The following CLTB variants were observed in gnomAD, a reference collection of about 807,000 sequenced individuals.
CLTB encodes the protein clathrin light chain B, also known as clathrin, light chain (Lcb).
Under a neutral mutation model 30.5 loss-of-function variants are expected in CLTB, and 10 were observed. That is an observed-to-expected ratio of 0.33 (90% CI 0.20 to 0.56). The LOEUF (loss-of-function observed/expected upper bound fraction) is 0.56, where lower values mean the gene tolerates loss of function less well. Ranked by LOEUF, CLTB falls within the 20% of genes least tolerant of loss-of-function variation. The pLI, the probability that CLTB is intolerant of heterozygous loss-of-function variation, is 0.91. For missense variants in CLTB, 261 were observed against 308.3 expected, an observed-to-expected ratio of 0.85 and a Z score of 1.15; for synonymous variants, 102 against 120.3, an observed-to-expected ratio of 0.85 and a Z score of 1.00.
chr5:176,401,772 T>G, intron 2 of CLTB: 1 of 456,234 alleles, frequency 2.2e-6, no homozygotes, highest in South Asian at 1.5e-5. Flanking sequence ...CACTGAACAA[T>G]TTCCCGAGGG....
intron 1 of CLTB, among the ~76,000 whole-genome samples, chr5:176,411,903 G>A (rs183145226): frequency 4.6e-5 from 7 of 152,188 alleles, no homozygotes; most frequent in Non-Finnish European, 8.8e-5. Context: ...TGGGCCGGGC[G>A]TGGTGGCTTA....
rs1318432605 is a variant in CLTB at position 176,393,964 on chromosome 5, A to G, written c.519-1019T>C. Among the ~76,000 whole-genome samples the G allele has an allele frequency of 6.6e-6, 1 of 152,184 alleles. No individual in the cohort carries two copies. Among genetic ancestry groups the G allele is most frequent in the Non-Finnish European group, 1.5e-5 (1 of 68,030 alleles). On this transcript the variant is annotated intron_variant, in intron 5 of 5. Coordinates refer to ENST00000310418, the MANE Select transcript of CLTB (RefSeq NM_007097.5). The surrounding 1 kb of genome is among the most constrained non-coding windows in gnomAD (Gnocchi z 4.4). ...AGGACCAGTTCTGCCGATGCCAGAC[A>G]TGACTGATGGCAGGAGCGCTCCATG...
chr5:176,412,784 G>A (rs1018834301), intron 1 of CLTB, among the ~76,000 whole-genome samples: 1 of 152,148 alleles, frequency 6.6e-6, no homozygotes, highest in Admixed American at 6.6e-5. Flanking sequence ...TCTCCTGCAT[G>A]GGTGTCCTGG....
intron 5 of CLTB, among the ~76,000 whole-genome samples, chr5:176,394,974 A>G (rs1756450563): frequency 6.6e-6 from 1 of 152,034 alleles, no homozygotes; most frequent in South Asian, 2.1e-4. Context: ...CCTTGCTGGA[A>G]GCCTCCTGTG....
intron 4 of CLTB, among the ~76,000 whole-genome samples, chr5:176,397,136 C>T (rs1434750361): frequency 6.6e-6 from 1 of 152,118 alleles, no homozygotes; most frequent in Non-Finnish European, 1.5e-5. Flanking sequence ...CTGGGTCCTC[C>T]TTATCTCCAT....
chr5:176,403,521 C>G (rs1056939786), intron 2 of CLTB, among the ~76,000 whole-genome samples: 1 of 151,892 alleles, frequency 6.6e-6, no homozygotes, highest in African/African-American at 2.4e-5. Flanking sequence ...GTGACGTGAT[C>G]TCGGCCCACT....
chr5:176,401,341 T>C (rs1756805957), intron 2 of CLTB, among the ~76,000 whole-genome samples: 1 of 152,264 alleles, frequency 6.6e-6, no homozygotes, highest in African/African-American at 2.4e-5. Flanking sequence ...TCAGAGAAGT[T>C]GGAAATAAAA....
At chr5:176,400,004 C>G (rs1000027940) in intron 2 of CLTB, among the ~76,000 whole-genome samples, 1 of 151,984 alleles carries the variant, frequency 6.6e-6, no homozygotes, top group Non-Finnish European at 1.5e-5. Flanking sequence ...CCAGCCTGAC[C>G]AACATGGTGA....
intron 1 of CLTB, among the ~76,000 whole-genome samples, chr5:176,412,342 C>G (rs1757485775): frequency 6.6e-6 from 1 of 152,134 alleles, no homozygotes; most frequent in Admixed American, 6.5e-5. Flanking sequence ...GTATCCTGCA[C>G]CCTCTTGTGC....
chr5:176,409,278 CAT>C (rs1201349178), intron 2 of CLTB, among the ~76,000 whole-genome samples: 1 of 102,760 alleles, frequency 9.7e-6, no homozygotes, highest in Admixed American at 1.2e-4. Flanking sequence ...CCAGCCCAAA[CAT>C]ATTTTTAAAA....
chr5:176,398,977 G>T (rs1157398659), intron 2 of CLTB, among the ~76,000 whole-genome samples: 1 of 151,706 alleles, frequency 6.6e-6, no homozygotes, highest in Non-Finnish European at 1.5e-5. Context: ...TGAGTAGCTG[G>T]GATTACAGGC....
At chr5:176,409,973 A>G (rs1581445592) in intron 2 of CLTB, among the ~76,000 whole-genome samples, 1 of 152,290 alleles carries the variant, frequency 6.6e-6, no homozygotes, top group East Asian at 1.9e-4. Context: ...CCTTCATCTC[A>G]TGCTGCTGTG....
At chr5:176,416,553 C>G (rs1438238654), upstream of CLTB, 1 of 277,518 alleles carries the variant, frequency 3.6e-6, no homozygotes, top group Non-Finnish European at 6.2e-6. Flanking sequence ...GTGCGGGCGC[C>G]GCGGCGGGAG....
intron 2 of CLTB, among the ~76,000 whole-genome samples, chr5:176,402,584 C>T (rs1012933475): frequency 6.6e-6 from 1 of 152,220 alleles, no homozygotes; most frequent in African/African-American, 2.4e-5. Context: ...CTCCCCCTTC[C>T]CTCCCTGCCA....
At chr5:176,406,522 G>A (rs1014045198) in intron 2 of CLTB, 3 of 1,252,492 alleles carry the variant, frequency 2.4e-6, no homozygotes, top group African/African-American at 1.6e-5. Context: ...AAGCTAAAAG[G>A]AGGATGATGG....
At chr5:176,396,886 CCT>C (rs1388455939) in intron 4 of CLTB, among the ~76,000 whole-genome samples, 11 of 152,170 alleles carry the variant, frequency 7.2e-5, no homozygotes, top group Non-Finnish European at 1.3e-4. Context: ...TCCCTGGCCC[CCT>C]GTTGCCTAAT....
rs1581419778 is a variant in CLTB, at chr5:176,393,528, C to A, written c.519-583G>T. 6.6e-6 allele frequency among the ~76,000 whole-genome samples: 1 copy of A among 152,188 alleles called. No homozygotes were observed. Among genetic ancestry groups the A allele is most frequent in the East Asian group, 1.9e-4 (1 of 5,194 alleles). Reference sequence around the variant, plus strand: ...GATCTTTACAGCAAGACTTTCAAAGCCTTTCATGTGCTGTGTGCGTCGTGA... The same window carrying A: ...GATCTTTACAGCAAGACTTTCAAAGACTTTCATGTGCTGTGTGCGTCGTGA... On this transcript the variant is annotated intron_variant, in intron 5 of 5. Transcript: ENST00000310418. The surrounding 1 kb of genome is among the most constrained non-coding windows in gnomAD (Gnocchi z 4.4).
rs1049246060 is a variant in CLTB at position 176,409,949 on chromosome 5, A to G, written c.234+308T>C. The stretch of plus-strand genomic sequence containing the variant: ...TTCTGCCTCCCGTCAGTGGTGAGGG[A>G]AGGCCTTGCGCTGCCTTCATCTCAT... On this transcript the variant is annotated intron_variant, in intron 2 of 5. Transcript: ENST00000310418. Among the ~76,000 whole-genome samples the G allele has an allele frequency of 1.3e-5, 2 of 152,288 alleles. 1 individual carries two copies. Among genetic ancestry groups the G allele is most frequent in the Middle Eastern group, 6.8e-3 (2 of 294 alleles).
chr5:176,398,196 C>T, intron 2 of CLTB, 149 bp from the exon 3 acceptor site: 1 of 684,890 alleles, frequency 1.5e-6, no homozygotes, highest in Non-Finnish European at 2.6e-6. Flanking sequence ...TATCTTTGCA[C>T]TTGCTGTTCC....
Sources: gnomAD v4.1 joint callset for allele counts (sites outside exome capture counted in the v4.1 genomes callset) on GRCh38, gnomAD v4.1.1 for gene constraint, Gnocchi (gnomAD v3.1) non-coding constraint, MANE v1.5 for transcripts, NCBI Gene and HGNC (gene_info 2026-07-23, HGNC 2026-07-21) for gene names.